The following NTNG1 variants were observed in gnomAD, a reference collection of about 807,000 sequenced individuals.
NTNG1 encodes netrin G1.
In NTNG1, 16 loss-of-function variants were observed where a neutral mutation model predicts 54.0. That is an observed-to-expected ratio of 0.30 (90% CI 0.20 to 0.45). The LOEUF (loss-of-function observed/expected upper bound fraction) is 0.45, where lower values mean the gene tolerates loss of function less well. Among genes scored for constraint, NTNG1 ranks in the 20% least tolerant of loss-of-function variants. The pLI is 1.00. For missense variants in NTNG1, 530 were observed against 678.7 expected (o/e 0.78, Z 2.43); for synonymous variants, 255 against 263.1 (o/e 0.97, Z 0.30).
chr1:107,298,250 T>C (rs371571772), intron 2 of NTNG1, among the ~76,000 whole-genome samples: 3 of 152,166 alleles, frequency 2.0e-5, no homozygotes, highest in African/African-American at 7.2e-5. Context: ...CAACTGTATC[T>C]TGTTATAATT....
chr1:107,146,096 A>C (rs181932091), intron 1 of NTNG1, among the ~76,000 whole-genome samples: 69 of 152,178 alleles, frequency 4.5e-4, no homozygotes, highest in Admixed American at 4.5e-3. Flanking sequence ...CTCAGGAAGC[A>C]CTCAAATATA....
At chr1:107,444,841 GA>G (rs1676210852) in intron 7 of NTNG1, among the ~76,000 whole-genome samples, 1 of 152,086 alleles carries the variant, frequency 6.6e-6, no homozygotes, top group Non-Finnish European at 1.5e-5. Context: ...AAGATGATAA[GA>G]AGGCCAAGTG....
intron 5 of NTNG1, among the ~76,000 whole-genome samples, chr1:107,427,609 AT>A (rs963014395): frequency 7.2e-4 from 110 of 152,188 alleles, no homozygotes; most frequent in African/African-American, 2.6e-3. Flanking sequence ...TCTGTTTCTT[AT>A]TTTATATTCT....
At chr1:107,446,108 A>G (rs1487693295) in intron 7 of NTNG1, among the ~76,000 whole-genome samples, 1 of 152,114 alleles carries the variant, frequency 6.6e-6, no homozygotes, top group Non-Finnish European at 1.5e-5. Flanking sequence ...AAAAACATAC[A>G]TTTCATTAAA....
chr1:107,460,264 C>A, intron 7 of NTNG1: 2 of 424,748 alleles, frequency 4.7e-6, no homozygotes. Flanking sequence ...GCCGAACTGA[C>A]AGTTCATCAT....
chr1:107,340,921 A>G (rs1342314446), intron 3 of NTNG1, among the ~76,000 whole-genome samples: 1 of 152,084 alleles, frequency 6.6e-6, no homozygotes, highest in Non-Finnish European at 1.5e-5. Flanking sequence ...TGTGTATAAA[A>G]TGCAAGTACA....
intron 3 of NTNG1, among the ~76,000 whole-genome samples, chr1:107,352,286 G>A (rs1437239036): frequency 6.6e-6 from 1 of 150,520 alleles, no homozygotes; most frequent in Non-Finnish European, 1.5e-5. Flanking sequence ...CCTTAGTAGA[G>A]GTTCTTCATG....
intron 2 of NTNG1, among the ~76,000 whole-genome samples, chr1:107,282,848 C>T (rs1664954326): frequency 1.3e-5 from 2 of 152,142 alleles, no homozygotes; most frequent in South Asian, 4.1e-4. Flanking sequence ...TTACTTCTTA[C>T]AGCTGGGGAG....
intron 2 of NTNG1, among the ~76,000 whole-genome samples, chr1:107,166,941 G>A (rs1655842204): frequency 6.6e-6 from 1 of 152,036 alleles, no homozygotes; most frequent in African/African-American, 2.4e-5. Context: ...TTAGAGATGG[G>A]TACAGTCAGA....
intron 3 of NTNG1, among the ~76,000 whole-genome samples, chr1:107,370,374 A>C (rs1298891009): frequency 6.6e-6 from 1 of 151,118 alleles, no homozygotes; most frequent in African/African-American, 2.4e-5. Flanking sequence ...TTGTCTCCAT[A>C]GGTTTTAGGG....
chr1:107,298,161 G>A (rs1182618061), intron 2 of NTNG1, among the ~76,000 whole-genome samples: 1 of 152,084 alleles, frequency 6.6e-6, no homozygotes. Flanking sequence ...ATGTATTTCT[G>A]AATTCTGGGG....
At chr1:107,419,044 A>G (rs944498319) in intron 5 of NTNG1, among the ~76,000 whole-genome samples, 2 of 152,014 alleles carry the variant, frequency 1.3e-5, no homozygotes, top group African/African-American at 4.8e-5. Flanking sequence ...CTGGGTAAAT[A>G]CATAGAGGTA....
chr1:107,197,036 G>C (rs1658390185), intron 2 of NTNG1, among the ~76,000 whole-genome samples: 1 of 151,972 alleles, frequency 6.6e-6, no homozygotes, highest in African/African-American at 2.4e-5. Context: ...TGTAAACAAT[G>C]AATATGGTTG....
At chr1:107,384,221 T>C (rs1028372857) in intron 3 of NTNG1, among the ~76,000 whole-genome samples, 19 of 152,182 alleles carry the variant, frequency 1.2e-4, no homozygotes, top group African/African-American at 4.3e-4. Context: ...AGAAATAGAA[T>C]AGGGCAACTT....
chr1:107,387,091 G>T (rs925053245), intron 3 of NTNG1, among the ~76,000 whole-genome samples: 1 of 151,964 alleles, frequency 6.6e-6, no homozygotes, highest in African/African-American at 2.4e-5. Context: ...TTTCTAATTG[G>T]GTTATTTGTC....
At chr1:107,480,036 G>C (rs1338513060) in intron 7 of NTNG1, among the ~76,000 whole-genome samples, 1 of 151,690 alleles carries the variant, frequency 6.6e-6, no homozygotes, top group Non-Finnish European at 1.5e-5. Flanking sequence ...CTTCCCATCT[G>C]GCTGCCGCCT....
At chr1:107,237,692 G>A (rs914263128) in intron 2 of NTNG1, among the ~76,000 whole-genome samples, 1 of 152,164 alleles carries the variant, frequency 6.6e-6, no homozygotes, top group African/African-American at 2.4e-5. Flanking sequence ...AGGGGCCACT[G>A]TAGAGCTCAA....
intron 7 of NTNG1, among the ~76,000 whole-genome samples, chr1:107,468,666 A>C (rs1317541647): frequency 6.6e-6 from 1 of 152,190 alleles, no homozygotes; most frequent in African/African-American, 2.4e-5. Context: ...CTATGTTCCA[A>C]AGTTAACTAA....
At chr1:107,271,479 A>C (rs554670321) in intron 2 of NTNG1, among the ~76,000 whole-genome samples, 2 of 152,324 alleles carry the variant, frequency 1.3e-5, no homozygotes, top group African/African-American at 4.8e-5. Context: ...TATACTCAGA[A>C]GTTGTATTTA....
Sources: gnomAD v4.1 joint callset for allele counts (sites outside exome capture counted in the v4.1 genomes callset) on GRCh38, gnomAD v4.1.1 for gene constraint, MANE v1.5 for transcripts, NCBI Gene and HGNC (gene_info 2026-07-23, HGNC 2026-07-21) for gene names.